The following CPNE5 variants were observed in gnomAD, a reference collection of about 807,000 sequenced individuals.
The protein encoded by CPNE5 is copine-5.
In CPNE5, 42 loss-of-function variants were observed where a neutral mutation model predicts 81.1. That is an observed-to-expected ratio of 0.52 (90% CI 0.40 to 0.67). The LOEUF is 0.67. Ranked by LOEUF, CPNE5 falls within the 30% of genes least tolerant of loss-of-function variation. The probability of loss-of-function intolerance (pLI) is 0.00; values close to 1 mark genes in which losing one functional copy is unlikely to be tolerated. For synonymous variants in CPNE5, 313 were observed against 321.5 expected (o/e 0.97, Z 0.28); for missense variants, 612 against 815.5 (o/e 0.75, Z 3.04).
intron 3 of CPNE5, among the ~76,000 whole-genome samples, chr6:36,816,086 A>C (rs752204154): frequency 3.9e-5 from 6 of 152,200 alleles, no homozygotes; most frequent in Non-Finnish European, 4.4e-5. Flanking sequence ...TCTACCCACG[A>C]AGGTCTCTTA....
intron 6 of CPNE5, among the ~76,000 whole-genome samples, chr6:36,797,030 G>A (rs1481946900): frequency 6.6e-6 from 1 of 152,160 alleles, no homozygotes; most frequent in Non-Finnish European, 1.5e-5. Flanking sequence ...TCAGCCTCCA[G>A]AGTAGCTGGG....
At chr6:36,779,397 C>T (rs1428192755) in intron 8 of CPNE5, among the ~76,000 whole-genome samples, 2 of 152,196 alleles carry the variant, frequency 1.3e-5, no homozygotes, top group Non-Finnish European at 2.9e-5. Flanking sequence ...CACTGAGTGG[C>T]TCGGAAAGGT....
chr6:36,789,622 G>T (rs77985133), intron 8 of CPNE5, among the ~76,000 whole-genome samples: 1 of 152,106 alleles, frequency 6.6e-6, no homozygotes, highest in Admixed American at 6.5e-5. Context: ...GGTGGAAAAC[G>T]GAGGCTCTGG....
At chr6:36,772,684 A>T (rs1767142639) in intron 10 of CPNE5, among the ~76,000 whole-genome samples, 1 of 152,200 alleles carries the variant, frequency 6.6e-6, no homozygotes, top group South Asian at 2.1e-4. Flanking sequence ...GGCAGGAAAA[A>T]GAACAAGCTC....
Position 36,746,075 on chromosome 6 carries a change from C to T in CPNE5, c.1200+321G>A, listed in dbSNP as rs1764127607. ...CAGCACTGACTCAGGGATACCCAAC[C>T]CACACCACCTTGTTCACTTTTCTGG... On this transcript the variant is annotated intron_variant, in intron 16 of 20. Transcript: ENST00000244751. This position sits in a 1 kb window ranked among gnomAD's most constrained non-coding sequence, Gnocchi z 4.5. The T allele has an allele frequency of 2.7e-6, 2 of 738,126 alleles. No homozygotes were observed. The highest frequency in any genetic ancestry group is 3.8e-5 in the African/African-American group (2 of 52,200). The allele number at this position is 738,126 out of a possible 1,614,324, so 45.7% of individuals were successfully genotyped here. A position where few individuals can be genotyped will look rare whatever the true frequency, so the allele number is the denominator to read the frequency against.
rs1269901720 is a variant in CPNE5 at position 36,756,275 on chromosome 6, C to T, written c.879G>A (p.Met293Ile). The T allele has an allele frequency of 6.2e-7, 1 of 1,613,754 alleles. No homozygotes were observed. The highest frequency in any genetic ancestry group is 8.5e-7 in the Non-Finnish European group (1 of 1,179,918). Residue 293 changes from methionine (M) to isoleucine (I), a missense_variant, in exon 13 of 21, where the codon ATG (methionine) becomes ATA (isoleucine). By Grantham distance (10) the Met-to-Ile change is conservative. Coordinates refer to ENST00000244751, the MANE Select transcript of CPNE5 (RefSeq NM_020939.2). The stretch of plus-strand genomic sequence containing the variant: ...CAGAATTCACGTATTTCTTTTTCTT[C>T]ATTTTCTTTTTCGGGTTTACCACCT... ...IYEVVNPKKK[M>I]KKKKYVNSGT...
At chr6:36,836,216 C>T (rs1773488677) in intron 1 of CPNE5, among the ~76,000 whole-genome samples, 1 of 152,216 alleles carries the variant, frequency 6.6e-6, no homozygotes, top group Non-Finnish European at 1.5e-5. Context: ...AACTGTCCAT[C>T]CCCAGTGTCA....
intron 3 of CPNE5, among the ~76,000 whole-genome samples, chr6:36,803,389 G>A (rs765908521): frequency 3.3e-5 from 5 of 152,038 alleles, no homozygotes; most frequent in African/African-American, 9.7e-5. Flanking sequence ...CTTACTCTGC[G>A]GCCTGATAAT....
In CPNE5 at chr6:36,746,014, C is replaced by T; in HGVS notation, c.1200+382G>A. 1 of 248,772 alleles carries T rather than the reference C, an allele frequency of 4.0e-6. No homozygotes were observed. The highest frequency in any genetic ancestry group is 6.4e-6 in the Non-Finnish European group (1 of 156,332). 15.4% of individuals were successfully genotyped at this position (248,772 alleles called of 1,614,324 possible). A position where few individuals can be genotyped will look rare whatever the true frequency, so the allele number is the denominator to read the frequency against. ...CCCGGGATGCCCAGATGACGCCATG[C>T]TCCACATCACCCTGGAGATCCACGT... On this transcript the variant is annotated intron_variant, in intron 16 of 20. Transcript: ENST00000244751. This position sits in a 1 kb window ranked among gnomAD's most constrained non-coding sequence, Gnocchi z 4.5.
chr6:36,741,355 G>C lies in CPNE5; in HGVS notation c.*913C>G, dbSNP rs563206998. 3.7e-4 allele frequency: 55 copies of C among 148,966 alleles called. No homozygotes were observed. The highest frequency in any genetic ancestry group is 1.3e-3 in the African/African-American group (52 of 41,198). The allele number at this position is 148,966 out of a possible 1,614,324, so 9.2% of individuals were successfully genotyped here. A position where few individuals can be genotyped will look rare whatever the true frequency, so the allele number is the denominator to read the frequency against. On this transcript the variant is annotated 3_prime_UTR_variant, in exon 21 of 21. Transcript: ENST00000244751. ...TGCTTGGGTTCCCACATTAGGCAGT[G>C]GGGGGAGGCAGGGCTCAAACCCAGG...
chr6:36,808,098 C>T (rs1561807194), intron 3 of CPNE5, among the ~76,000 whole-genome samples: 1 of 148,640 alleles, frequency 6.7e-6, no homozygotes, highest in Non-Finnish European at 1.5e-5. Context: ...TTTCTTTTTT[C>T]TTTTTTTTTT....
intron 1 of CPNE5, among the ~76,000 whole-genome samples, chr6:36,829,335 A>T (rs1026983943): frequency 1.3e-5 from 2 of 151,848 alleles, no homozygotes; most frequent in Non-Finnish European, 2.9e-5. Context: ...GTCTCTAAAA[A>T]AAATAAACAA....
chr6:36,810,298 C>T (rs1009322487), intron 3 of CPNE5, among the ~76,000 whole-genome samples: 1 of 152,190 alleles, frequency 6.6e-6, no homozygotes, highest in African/African-American at 2.4e-5. Context: ...AGCTGACAGA[C>T]TGCTGTCTAC....
chr6:36,772,665 C>G (rs1375312191), intron 10 of CPNE5, among the ~76,000 whole-genome samples: 1 of 152,182 alleles, frequency 6.6e-6, no homozygotes, highest in Non-Finnish European at 1.5e-5. Context: ...TCTTCTGTCC[C>G]AGCCAAGAGG....
chr6:36,765,482 C>T, intron 10 of CPNE5, 106 bp from the exon 11 acceptor site: 1 of 1,366,322 alleles, frequency 7.3e-7, no homozygotes, highest in Non-Finnish European at 1.0e-6. Context: ...CCAGGACTCC[C>T]TCTGGGCCCC....
intron 5 of CPNE5, 80 bp downstream of exon 5, chr6:36,798,375 C>G: frequency 2.6e-6 from 4 of 1,541,944 alleles, no homozygotes; most frequent in Non-Finnish European, 3.6e-6. Context: ...CACATTCCAT[C>G]ACAGCAAAGC....
At chr6:36,781,454 A>G (rs1398611332) in intron 8 of CPNE5, among the ~76,000 whole-genome samples, 3 of 152,232 alleles carry the variant, frequency 2.0e-5, no homozygotes, top group East Asian at 3.8e-4. Flanking sequence ...AGGTTAAATC[A>G]TATGCCTAAA....
chr6:36,803,383 C>T (rs1435562724), intron 3 of CPNE5, among the ~76,000 whole-genome samples: 1 of 152,224 alleles, frequency 6.6e-6, no homozygotes, highest in African/African-American at 2.4e-5. Flanking sequence ...GCTGCACTTA[C>T]TCTGCGGCCT....
intron 8 of CPNE5, among the ~76,000 whole-genome samples, chr6:36,784,958 A>AG (rs1768395271): frequency 6.6e-6 from 1 of 151,680 alleles, no homozygotes; most frequent in African/African-American, 2.4e-5. Flanking sequence ...GGAAAAAAAA[A>AG]AAAAGAAAAG....
Sources: gnomAD v4.1 joint callset for allele counts (sites outside exome capture counted in the v4.1 genomes callset) on GRCh38, gnomAD v4.1.1 for gene constraint, Gnocchi (gnomAD v3.1) non-coding constraint, MANE v1.5 for transcripts, NCBI Gene and HGNC (gene_info 2026-07-23, HGNC 2026-07-21) for gene names.